Variants in RYR2 observed in about 807,000 individuals in gnomAD.
RYR2 encodes cardiac muscle ryanodine receptor-calcium release channel.
In RYR2, 227 loss-of-function variants were observed where a neutral mutation model predicts 601.1. That is an observed-to-expected ratio of 0.38 (90% CI 0.34 to 0.42). The LOEUF is 0.42. Among genes scored for constraint, RYR2 ranks in the 10% least tolerant of loss-of-function variants. RYR2 has a pLI of 1.00. For missense variants in RYR2, 4,646 were observed against 6,156.5 expected (o/e 0.75, Z 8.21); for synonymous variants, 2,223 against 2,175.1 (o/e 1.02, Z -0.61).
chr1:237,547,644 CTGTGT>C (rs2148080832), intron 25 of RYR2, among the ~76,000 whole-genome samples: 1 of 152,232 alleles, frequency 6.6e-6, no homozygotes, highest in African/African-American at 2.4e-5. Context: ...GAATGAAGCG[CTGTGT>C]GTCTGTGTGG....
chr1:237,303,289 TA>T (rs1693542133), intron 2 of RYR2, among the ~76,000 whole-genome samples: 2 of 146,138 alleles, frequency 1.4e-5, no homozygotes, highest in South Asian at 2.2e-4. Context: ...GCTCTGCGGT[TA>T]TCTTTTTTTT....
intron 98 of RYR2, 153 bp downstream of exon 98, chr1:237,802,069 T>C (rs978169748): frequency 6.6e-6 from 3 of 452,156 alleles, no homozygotes; most frequent in African/African-American, 5.9e-5. Context: ...CAGAATGATA[T>C]GATTAATGAG....
intron 1 of RYR2, among the ~76,000 whole-genome samples, chr1:237,075,183 CT>C (rs200012761): frequency 3.3e-5 from 5 of 151,078 alleles, no homozygotes; most frequent in African/African-American, 7.3e-5. Context: ...GATTTTCTGC[CT>C]TTTTTTTTGG....
intron 96 of RYR2, among the ~76,000 whole-genome samples, chr1:237,795,836 GTATATATATATATGTATA>G (rs1243708494): frequency 0.039 from 5,104 of 132,564 alleles, 121 homozygotes; most frequent in East Asian, 0.068. Context: ...GTGTGTGTGT[GTATATATATATATGTATA>G]TGTATATATA....
At chr1:237,048,098 C>T (rs1380068630) in intron 1 of RYR2, among the ~76,000 whole-genome samples, 1 of 152,170 alleles carries the variant, frequency 6.6e-6, no homozygotes, top group Non-Finnish European at 1.5e-5. Flanking sequence ...ATTGCCTGTT[C>T]GGTTCCCTAA....
chr1:237,611,144 T>C (rs1323993762), intron 36 of RYR2, among the ~76,000 whole-genome samples, 156 bp downstream of exon 36: 1 of 152,244 alleles, frequency 6.6e-6, no homozygotes, highest in Non-Finnish European at 1.5e-5. Context: ...GTCATTATTC[T>C]GCGTATTCTA....
At position 237,793,964 on chromosome 1, in the gene RYR2, A is replaced by G; in HGVS notation, c.13880A>G (p.Lys4627Arg). The G allele has an allele frequency of 1.2e-6, 2 of 1,612,002 alleles. No individual in the cohort carries two copies. Among genetic ancestry groups the G allele is most frequent in the Non-Finnish European group, 1.7e-6 (2 of 1,178,196 alleles). Residue 4627 changes from lysine (K) to arginine (R), a missense_variant, in exon 95 of 105, where the codon AAA becomes AGA. Physicochemically the swap from Lys to Arg is conservative, Grantham distance 26 (BLOSUM62 2). Around this residue, in one of 17 missense-constraint regions of RYR2, gnomAD observed 37 missense variants for 102.8 expected, o/e 0.36. Coordinates refer to ENST00000366574, the MANE Select transcript of RYR2 (RefSeq NM_001035.3). ...ITEQPSEDDI[K>R]GQWDRLVINT... is the part of the protein sequence containing the mutation. Reference sequence around the variant, plus strand: ...GAACAGCCTTCAGAAGATGATATTAAAGGCCAGTGGGATAGACTCGTAATC... The same window carrying G: ...GAACAGCCTTCAGAAGATGATATTAGAGGCCAGTGGGATAGACTCGTAATC...
Position 237,614,727 on chromosome 1 carries a change from G to T in RYR2, c.5599G>T (p.Glu1867Ter), listed in dbSNP as rs565583530. ...PEEESDTLEK[E>*]LSVDDAKLQG... ...GGAGGAGAGTGACACGCTGGAGAAAGAGCTCAGTGTGGACGATGCAAAGCT... is the reference window on the plus strand; with the variant it reads ...GGAGGAGAGTGACACGCTGGAGAAATAGCTCAGTGTGGACGATGCAAAGCT... The change falls in exon 37 of 105, where the codon GAG becomes TAG. Residue 1867 changes from glutamate (E) to a stop codon, truncating the protein, a stop_gained. Transcript: ENST00000366574. LOFTEE classifies it high-confidence loss of function. The surrounding 1 kb of genome is among the most constrained non-coding windows in gnomAD (Gnocchi z 4.3). 1 of 1,614,028 alleles carries T rather than the reference G, an allele frequency of 6.2e-7. No homozygotes were observed. Among genetic ancestry groups the T allele is most frequent in the African/African-American group, 1.3e-5 (1 of 75,076 alleles).
intron 1 of RYR2, among the ~76,000 whole-genome samples, chr1:237,095,329 C>T (rs981069774): frequency 2.6e-5 from 4 of 152,130 alleles, no homozygotes; most frequent in African/African-American, 9.7e-5. Context: ...CTGTACCACA[C>T]GCTTCAATGG....
intron 1 of RYR2, among the ~76,000 whole-genome samples, chr1:237,114,488 T>C (rs1034344891): frequency 1.2e-4 from 18 of 152,166 alleles, no homozygotes; most frequent in African/African-American, 3.9e-4. Context: ...GAGTACAGTA[T>C]AAAATATTTG....
chr1:237,452,072 A>T (rs1658209684), intron 14 of RYR2, among the ~76,000 whole-genome samples: 1 of 37,806 alleles, frequency 2.6e-5, no homozygotes, highest in African/African-American at 1.0e-4. Context: ...AATATATATA[A>T]AATTTTGTGT....
chr1:237,210,853 T>C (rs115167073), intron 1 of RYR2, among the ~76,000 whole-genome samples: 194 of 152,294 alleles, frequency 1.3e-3, no homozygotes, highest in African/African-American at 4.5e-3. Flanking sequence ...TCCTCAGGGA[T>C]TGATACCTAC....
chr1:237,508,890 C>A lies in RYR2; in HGVS notation c.2718+2076C>A, dbSNP rs188636669. Among the ~76,000 whole-genome samples the A allele has an allele frequency of 4.1e-3, 613 of 150,820 alleles. 2 individuals are homozygous for A. The highest frequency in any genetic ancestry group is 0.014 in the African/African-American group (580 of 41,064). On this transcript the variant is annotated intron_variant, in intron 23 of 104. Transcript: ENST00000366574. ...CCCGAGTAGCTGGGACTACAGGCGC[C>A]CGCTACCACGCCCGGCTAATTTTTT... is the stretch of plus-strand genomic sequence containing the variant.
intron 2 of RYR2, among the ~76,000 whole-genome samples, chr1:237,287,268 A>T (rs1426248929): frequency 6.6e-6 from 1 of 152,204 alleles, no homozygotes; most frequent in Non-Finnish European, 1.5e-5. Flanking sequence ...AACTTTGGAT[A>T]ACCTGAGGAC....
chr1:237,173,297 A>G (rs1185795216), intron 1 of RYR2, among the ~76,000 whole-genome samples: 5 of 152,116 alleles, frequency 3.3e-5, no homozygotes, highest in African/African-American at 1.2e-4. Context: ...GAAATTGAAG[A>G]CAATTGGTTT....
chr1:237,692,195 A>G (rs2148990144), intron 63 of RYR2, among the ~76,000 whole-genome samples: 1 of 152,330 alleles, frequency 6.6e-6, no homozygotes, highest in South Asian at 2.1e-4. Flanking sequence ...CATTTTATGC[A>G]TTCATTCAAT....
intron 10 of RYR2, among the ~76,000 whole-genome samples, chr1:237,408,452 T>C (rs1358030052): frequency 6.8e-6 from 1 of 147,148 alleles, no homozygotes; most frequent in East Asian, 2.0e-4. Context: ...GAATGTCCAT[T>C]GACTTACTGA....
intron 97 of RYR2, among the ~76,000 whole-genome samples, chr1:237,799,710 C>T (rs1659724365): frequency 1.3e-5 from 2 of 152,116 alleles, no homozygotes; most frequent in African/African-American, 4.8e-5. Context: ...TCTATATGAA[C>T]GCTATCTTAA....
intron 27 of RYR2, among the ~76,000 whole-genome samples, chr1:237,557,064 C>T (rs1165379275): frequency 6.6e-6 from 1 of 152,008 alleles, no homozygotes; most frequent in Non-Finnish European, 1.5e-5. Context: ...GGAGCTGGAG[C>T]ACTGGATACT....
Sources: allele counts gnomAD v4.1 joint callset (sites outside exome capture counted in the v4.1 genomes callset), GRCh38; gene constraint gnomAD v4.1.1; regional missense constraint gnomAD v4.1.1; non-coding constraint Gnocchi (gnomAD v3.1); transcripts MANE v1.5; gene names NCBI Gene and HGNC (gene_info 2026-07-23, HGNC 2026-07-21).